Variants in ADK observed in about 807,000 individuals in gnomAD.
ADK encodes N6,N6-dimethyladenosine kinase.
A neutral mutation model predicts 44.7 loss-of-function variants in ADK; 24 were observed. The observed-to-expected ratio is 0.54, with a 90% confidence interval of 0.39 to 0.76. The LOEUF is 0.76. Ranked by LOEUF, ADK falls within the 30% of genes least tolerant of loss-of-function variation. The pLI, the probability that ADK is intolerant of heterozygous loss-of-function variation, is 0.00. For synonymous variants in ADK, 128 were observed against 142.6 expected (o/e 0.90, Z 0.73); for missense variants, 321 against 425.1 (o/e 0.76, Z 2.15).
chr10:74,460,285 A>C (rs1194963262), intron 6 of ADK, among the ~76,000 whole-genome samples: 1 of 152,162 alleles, frequency 6.6e-6, no homozygotes, highest in Non-Finnish European at 1.5e-5. Flanking sequence ...CTTGACATAA[A>C]CTGTGTTATC....
At chr10:74,580,629 T>C (rs940094733) in intron 7 of ADK, among the ~76,000 whole-genome samples, 2 of 151,530 alleles carry the variant, frequency 1.3e-5, no homozygotes, top group East Asian at 1.9e-4. Context: ...TTGCCTGCTG[T>C]CATCCATGTA....
chr10:74,211,708 T>C (rs1449369962), intron 2 of ADK, among the ~76,000 whole-genome samples: 1 of 152,216 alleles, frequency 6.6e-6, no homozygotes, highest in East Asian at 1.9e-4. Context: ...GCTTTGATCA[T>C]TTGAAGTGTG....
At chr10:74,431,027 A>G (rs1317115017) in intron 6 of ADK, among the ~76,000 whole-genome samples, 1 of 135,848 alleles carries the variant, frequency 7.4e-6, no homozygotes, top group African/African-American at 2.7e-5. Context: ...AGATCCCGCC[A>G]CTGCACTCCA....
At chr10:74,313,511 A>G (rs1300118441) in intron 3 of ADK, among the ~76,000 whole-genome samples, 1 of 152,062 alleles carries the variant, frequency 6.6e-6, no homozygotes, top group African/African-American at 2.4e-5. Flanking sequence ...AGCATCCGGT[A>G]TTCTTTGAGA....
intron 3 of ADK, among the ~76,000 whole-genome samples, chr10:74,297,188 C>G (rs1839848219): frequency 6.6e-6 from 1 of 152,144 alleles, no homozygotes; most frequent in African/African-American, 2.4e-5. Context: ...TAGTAAGTTT[C>G]TGAAGTGCAT....
At chr10:74,370,533 C>T (rs1842626517) in intron 4 of ADK, among the ~76,000 whole-genome samples, 1 of 152,144 alleles carries the variant, frequency 6.6e-6, no homozygotes. Context: ...ATACATTTGA[C>T]TACTAACTTA....
intron 3 of ADK, among the ~76,000 whole-genome samples, chr10:74,306,332 T>C (rs1164807612): frequency 1.3e-5 from 2 of 152,156 alleles, no homozygotes; most frequent in African/African-American, 4.8e-5. Flanking sequence ...GCTGAGTCTT[T>C]TCACTTTTTC....
At chr10:74,650,375 T>C (rs1034490203) in intron 9 of ADK, among the ~76,000 whole-genome samples, 1 of 152,092 alleles carries the variant, frequency 6.6e-6, no homozygotes, top group Non-Finnish European at 1.5e-5. Context: ...ATCTCGCCAC[T>C]GCACTCCAGC....
chr10:74,176,321 G>A (rs757807808), intron 1 of ADK, among the ~76,000 whole-genome samples: 4 of 152,168 alleles, frequency 2.6e-5, no homozygotes, highest in Non-Finnish European at 5.9e-5. Context: ...GGCTTCCCAG[G>A]CTGTTGCTTT....
At chr10:74,413,385 A>G (rs143934104) in intron 6 of ADK, among the ~76,000 whole-genome samples, 2 of 152,302 alleles carry the variant, frequency 1.3e-5, no homozygotes, top group African/African-American at 4.8e-5. Flanking sequence ...CACCTTCATC[A>G]ATGATGTTGG....
chr10:74,652,920 A>G (rs1341963530), intron 9 of ADK, among the ~76,000 whole-genome samples: 2 of 152,156 alleles, frequency 1.3e-5, no homozygotes, highest in Non-Finnish European at 2.9e-5. Context: ...ACCAAGATGA[A>G]GGCATTGAAT....
At chr10:74,300,030 T>C (rs1156723339) in intron 3 of ADK, among the ~76,000 whole-genome samples, 2 of 151,924 alleles carry the variant, frequency 1.3e-5, no homozygotes, top group East Asian at 3.8e-4. Context: ...TATTGTTTCT[T>C]TTCTTTCTTC....
intron 9 of ADK, among the ~76,000 whole-genome samples, chr10:74,664,915 A>C (rs1377754205): frequency 6.6e-6 from 1 of 152,244 alleles, no homozygotes; most frequent in East Asian, 1.9e-4. Flanking sequence ...AAAATACATT[A>C]GGACAATTAA....
chr10:74,419,739 A>G (rs1844494585), intron 6 of ADK, among the ~76,000 whole-genome samples: 1 of 152,180 alleles, frequency 6.6e-6, no homozygotes, highest in African/African-American at 2.4e-5. Flanking sequence ...AAGAGTTTGT[A>G]ATTAAAATGA....
chr10:74,665,716 CAG>C (rs1461361617), intron 9 of ADK, among the ~76,000 whole-genome samples: 3 of 130,278 alleles, frequency 2.3e-5, no homozygotes, highest in Non-Finnish European at 4.8e-5. Flanking sequence ...GCCTGGGAGG[CAG>C]AGTGAGACCT....
rs778148824 is a variant in ADK, at chr10:74,398,529, C to G, written c.505C>G (p.Leu169Val). The change falls in exon 6 of 11, where the codon CTG (leucine) becomes GTG (valine). Residue 169 changes from leucine (L) to valine (V), a missense_variant. Leu to Val is a conservative substitution (Grantham distance 32). Coordinates refer to ENST00000539909, the MANE Select transcript of ADK (RefSeq NM_006721.4). Reference protein sequence around the residue: ...NCYKKEKHLDLEKNWMLVEKA... With the variant: ...NCYKKEKHLDVEKNWMLVEKA... ...TTATAAAAAGGAAAAACATCTTGATCTGGAGAAAAACTGGATGTTGGTAGA... is the reference window on the plus strand; with the variant it reads ...TTATAAAAAGGAAAAACATCTTGATGTGGAGAAAAACTGGATGTTGGTAGA... The G allele has an allele frequency of 1.9e-6, 3 of 1,611,706 alleles. No individual in the cohort carries two copies. The highest frequency in any genetic ancestry group is 4.5e-5 in the East Asian group (2 of 44,612).
intron 4 of ADK, among the ~76,000 whole-genome samples, chr10:74,368,078 A>T (rs1434791784): frequency 1.3e-5 from 2 of 152,232 alleles, no homozygotes; most frequent in African/African-American, 4.8e-5. Context: ...TTGGTTGACC[A>T]AGATGATGTT....
intron 10 of ADK, among the ~76,000 whole-genome samples, chr10:74,702,588 T>G (rs529566658): frequency 8.1e-5 from 8 of 98,712 alleles, no homozygotes; most frequent in Non-Finnish European, 1.3e-4. Flanking sequence ...CTCTCTCTGG[T>G]CTCTTTCTTT....
At chr10:74,465,925 G>A (rs1236062553) in intron 6 of ADK, among the ~76,000 whole-genome samples, 1 of 152,010 alleles carries the variant, frequency 6.6e-6, no homozygotes, top group Non-Finnish European at 1.5e-5. Flanking sequence ...ATAAACTTCT[G>A]TTTATGATAG....
Sources: allele counts gnomAD v4.1 joint callset (sites outside exome capture counted in the v4.1 genomes callset), GRCh38; gene constraint gnomAD v4.1.1; transcripts MANE v1.5; gene names NCBI Gene and HGNC (gene_info 2026-07-23, HGNC 2026-07-21).